The following IGHMBP2 variants were observed in gnomAD, a reference collection of about 807,000 sequenced individuals.
The protein encoded by IGHMBP2 is immunoglobulin mu DNA binding protein 2.
IGHMBP2 carries 81 observed loss-of-function variants against 96.0 expected under a neutral mutation model. The observed-to-expected ratio is 0.84, with a 90% CI of 0.71 to 1.01. The LOEUF is 1.01. Ranked by LOEUF, IGHMBP2 falls within the 50% of genes least tolerant of loss-of-function variation. The pLI is 0.00. For synonymous variants in IGHMBP2, 557 were observed against 548.9 expected, an observed-to-expected ratio of 1.01 and a Z score of -0.21; for missense variants, 1,227 against 1,306.3, an observed-to-expected ratio of 0.94 and a Z score of 0.94.
intron 3 of IGHMBP2, 64 bp downstream of exon 3, chr11:68,908,401 C>A: frequency 6.5e-7 from 1 of 1,530,054 alleles, no homozygotes; most frequent in Non-Finnish European, 9.0e-7. Flanking sequence ...TCCATTCTTA[C>A]ATGCCTGTCG....
At chr11:68,907,062 C>G (rs1858231382) in intron 2 of IGHMBP2, among the ~76,000 whole-genome samples, 3 of 152,002 alleles carry the variant, frequency 2.0e-5, no homozygotes, top group Admixed American at 1.3e-4. Flanking sequence ...GAGTTCGAGA[C>G]CAGCCTGGGC....
chr11:68,939,585 C>T lies in IGHMBP2; in HGVS notation c.2836C>T (p.Arg946Trp), dbSNP rs373943338. 4.0e-4 allele frequency: 647 copies of T among 1,613,162 alleles called. 2 individuals carry two copies. The South Asian group carries it at 6.5e-3, about 16-fold the overall frequency. ...CGCCCATGCCCGGCAGAGAATCAGC[C>T]GGGAAGGGGTCCTCTATGCCGGCAG... ...ARAHARQRIS[R>W]EGVLYAGSGT... The change falls in exon 15 of 15, where the codon CGG (arginine) becomes TGG (tryptophan). Residue 946 changes from arginine (R) to tryptophan (W), a missense_variant. Arg to Trp is a moderately radical substitution (Grantham distance 101). This residue lies in a region of IGHMBP2 where 703 missense variants were observed against 770.3 expected (regional missense o/e 0.91). Coordinates refer to ENST00000255078, the MANE Select transcript of IGHMBP2 (RefSeq NM_002180.3).
chr11:68,927,205 C>A (rs1272702047), intron 7 of IGHMBP2, among the ~76,000 whole-genome samples: 1 of 152,214 alleles, frequency 6.6e-6, no homozygotes, highest in African/African-American at 2.4e-5. Flanking sequence ...TCTCTTCCCA[C>A]CCCGGGGTTT....
At position 68,924,588 on chromosome 11, in the gene IGHMBP2, G is replaced by T. The variant is rs535087961; in HGVS notation, c.1061-4595G>T. ...TTCAGTTCCCTGTGGGTTCTTGCTG[G>T]GTGTTGGCTGGAGGCCGCTCTTAGC... On this transcript the variant is annotated intron_variant, in intron 7 of 14. Transcript: ENST00000255078. Among the ~76,000 whole-genome samples, 5 of 152,366 alleles carry T rather than the reference G, an allele frequency of 3.3e-5. No homozygotes were observed. In the South Asian group the frequency reaches 1.0e-3, roughly 32 times the overall value.
At chr11:68,908,450 C>G in intron 3 of IGHMBP2, 84 bp from the exon 4 acceptor site, 3 of 1,450,968 alleles carry the variant, frequency 2.1e-6, no homozygotes, top group Non-Finnish European at 2.9e-6. Flanking sequence ...GGGTGTGGCC[C>G]TCATGGGAGT....
chr11:68,921,839 A>T (rs532222583), intron 7 of IGHMBP2, among the ~76,000 whole-genome samples: 1 of 152,228 alleles, frequency 6.6e-6, no homozygotes, highest in Non-Finnish European at 1.5e-5. Context: ...TAGCTTTTGT[A>T]TGTCTGAAAA....
In IGHMBP2 at chr11:68,906,175, G is replaced by T. The variant is rs920864493; in HGVS notation, c.193G>T (p.Val65Phe). The change falls in exon 2 of 15, where the codon GTC becomes TTC. Residue 65 changes from valine to phenylalanine, a missense_variant. Physicochemically the swap from Val to Phe is conservative, Grantham distance 50. Transcript: ENST00000255078. The part of the protein sequence containing the change: ...QRTGLYGRLL[V>F]TFEPRRYGSA... ...CACTGGGCTGTACGGACGGCTGCTG[G>T]TCACCTTTGAGCCCAGGCGATACGG... The T allele has an allele frequency of 7.4e-6, 12 of 1,614,058 alleles. No individual in the cohort carries two copies. Among genetic ancestry groups the T allele is most frequent in the Admixed American group, 3.3e-5 (2 of 60,006 alleles).
Position 68,936,797 on chromosome 11 carries a change from G to A in IGHMBP2, c.2317G>A (p.Gly773Arg), listed in dbSNP as rs754559345. Residue 773 changes from glycine (G) to arginine (R), a missense_variant, in exon 13 of 15, where the codon GGG becomes AGG. Gly to Arg is a moderately radical substitution (Grantham distance 125). Around this residue, in one of 3 missense-constraint regions of IGHMBP2, gnomAD observed 703 missense variants for 770.3 expected, o/e 0.91. Transcript: ENST00000255078. ...GCACGGGCTGAGGCACGACAGTTCC[G>A]GGGAAGGGAAGAGGAGGTTCATCAC... is the stretch of plus-strand genomic sequence containing the variant. ...EEHGLRHDSSGEGKRRFITVS... is the reference protein window; with the variant it reads ...EEHGLRHDSSREGKRRFITVS... 57 of 1,613,952 alleles carry A rather than the reference G, an allele frequency of 3.5e-5. No homozygotes were observed. Among genetic ancestry groups the A allele is most frequent in the East Asian group, 8.9e-5 (4 of 44,886 alleles).
rs1859217319 is a variant in IGHMBP2 at position 68,929,969 on chromosome 11, C to A, written c.1235+612C>A. On this transcript the variant is annotated intron_variant, in intron 8 of 14. Transcript: ENST00000255078. Reference sequence around the variant, plus strand: ...TCTTGGTGGAGAAAGTGCTGCCCGCCCCCCCAGCCCCCCTCTCACCTCTCC... The same window carrying A: ...TCTTGGTGGAGAAAGTGCTGCCCGCACCCCCAGCCCCCCTCTCACCTCTCC... The A allele has an allele frequency of 3.1e-6, 3 of 978,462 alleles. No homozygotes were observed. The South Asian group carries it at 1.1e-4, about 37-fold the overall frequency. The allele number at this position is 978,462 out of a possible 1,614,324, so 60.6% of individuals were successfully genotyped here. A position where few individuals can be genotyped will look rare whatever the true frequency, so the allele number is the denominator to read the frequency against.
intron 7 of IGHMBP2, among the ~76,000 whole-genome samples, chr11:68,918,139 G>A (rs759212118): frequency 8.5e-5 from 13 of 152,088 alleles, no homozygotes; most frequent in Non-Finnish European, 1.9e-4. Flanking sequence ...CAAGAAGTTT[G>A]TCCATTTTAT....
intron 6 of IGHMBP2, among the ~76,000 whole-genome samples, chr11:68,915,333 C>G (rs1272004535): frequency 6.6e-6 from 1 of 151,660 alleles, no homozygotes; most frequent in Non-Finnish European, 1.5e-5. Context: ...GTGCGTGTCA[C>G]CACGCCTGGC....
In IGHMBP2 at chr11:68,938,443, A is replaced by G. The variant is rs529778445; in HGVS notation, c.2784+89A>G. On this transcript the variant is annotated intron_variant, in intron 14 of 14. Coordinates refer to ENST00000255078, the MANE Select transcript of IGHMBP2 (RefSeq NM_002180.3). ...AGCAGACCCTGGGCAGACTTGTTCC[A>G]GTCGGAACAGTTAGCTCCTTACAAT... The G allele has an allele frequency of 8.5e-6, 10 of 1,179,788 alleles. No individual in the cohort carries two copies. The East Asian group carries it at 1.0e-4, about 12-fold the overall frequency. The allele number at this position is 1,179,788 out of a possible 1,614,324, so 73.1% of individuals were successfully genotyped here.
chr11:68,910,609 C>T (rs1244034378), intron 4 of IGHMBP2, among the ~76,000 whole-genome samples: 7 of 152,156 alleles, frequency 4.6e-5, no homozygotes, highest in Non-Finnish European at 5.9e-5. Flanking sequence ...CTTGGCCAGG[C>T]GCGGTGGCTC....
chr11:68,904,650 G>A (rs1307962483), intron 1 of IGHMBP2, among the ~76,000 whole-genome samples: 4 of 152,122 alleles, frequency 2.6e-5, no homozygotes, highest in African/African-American at 9.7e-5. Flanking sequence ...TGAGAGGTGT[G>A]GGGAGCCATG....
intron 2 of IGHMBP2, among the ~76,000 whole-genome samples, chr11:68,907,096 C>CA (rs1173604754): frequency 6.6e-6 from 1 of 151,736 alleles, no homozygotes; most frequent in Admixed American, 6.6e-5. Context: ...CCCATCTCTG[C>CA]AAAAAAATAG....
chr11:68,938,334 C>G lies in IGHMBP2; in HGVS notation c.2764C>G (p.Leu922Val). The G allele has an allele frequency of 6.2e-7, 1 of 1,611,456 alleles. No individual in the cohort carries two copies. The highest frequency in any genetic ancestry group is 2.2e-5 in the East Asian group (1 of 44,836). ...FCQLCSRRYC[L>V]SHHLPEIHGC... is the part of the protein sequence containing the mutation. ...CCAGCTCTGCAGCCGCCGCTACTGCCTCAGCCACCACCTGCCCGAGGTATG... is the reference window on the plus strand; with the variant it reads ...CCAGCTCTGCAGCCGCCGCTACTGCGTCAGCCACCACCTGCCCGAGGTATG... The change falls in exon 14 of 15, where the codon CTC becomes GTC. Residue 922 changes from leucine to valine, a missense_variant. Leu to Val is a conservative substitution (Grantham distance 32). Coordinates refer to ENST00000255078, the MANE Select transcript of IGHMBP2 (RefSeq NM_002180.3).
intron 5 of IGHMBP2, among the ~76,000 whole-genome samples, chr11:68,914,449 CA>C (rs1858568590): frequency 1.3e-5 from 2 of 152,310 alleles, no homozygotes; most frequent in Non-Finnish European, 2.9e-5. Context: ...CTCAGACCTG[CA>C]GGGGAGCATA....
Position 68,937,074 on chromosome 11 carries a change from AAAAG to A in IGHMBP2, c.2598_2601del (p.Lys868ProfsTer109), listed in dbSNP as rs754422011. 18 of 1,599,110 alleles carry A rather than the reference AAAAG, an allele frequency of 1.1e-5. No homozygotes were observed. Among genetic ancestry groups the A allele is most frequent in the East Asian group, 4.5e-5 (2 of 44,886 alleles). On this transcript the variant is annotated frameshift_variant, in exon 13 of 15. Transcript: ENST00000255078. LOFTEE classifies it high-confidence loss of function. ...GGGCAGCAGAAACTTCCAGAAAAGA[AAAAG>A]AAAAAAGCCAAAGGTAAGTCAACTA...
chr11:68,907,484 A>G (rs916551725), intron 2 of IGHMBP2, among the ~76,000 whole-genome samples: 1 of 152,108 alleles, frequency 6.6e-6, no homozygotes, highest in African/African-American at 2.4e-5. Flanking sequence ...GTGTTAGACA[A>G]CCACAGCCTT....
Sources: allele counts gnomAD v4.1 joint callset (sites outside exome capture counted in the v4.1 genomes callset), GRCh38; gene constraint gnomAD v4.1.1; regional missense constraint gnomAD v4.1.1; transcripts MANE v1.5; gene names NCBI Gene and HGNC (gene_info 2026-07-23, HGNC 2026-07-21).